The following CALD1 variants were observed in gnomAD, a reference collection of about 807,000 sequenced individuals.
CALD1 encodes caldesmon 1.
Under a neutral mutation model 99.9 loss-of-function variants are expected in CALD1, and 33 were observed. That is an observed-to-expected ratio of 0.33 (90% confidence interval 0.25 to 0.44). The LOEUF (loss-of-function observed/expected upper bound fraction) is 0.44, where lower values mean the gene tolerates loss of function less well. Ranked by LOEUF, CALD1 falls within the 20% of genes least tolerant of loss-of-function variation. CALD1 has a pLI of 1.00. For synonymous variants in CALD1, 310 were observed against 325.0 expected, an observed-to-expected ratio of 0.95 and a Z score of 0.50; for missense variants, 861 against 962.1, an observed-to-expected ratio of 0.89 and a Z score of 1.39.
At chr7:134,715,208 C>T in the CALD1 span, among the ~76,000 whole-genome samples, 2 of 152,194 alleles carry the variant, frequency 1.3e-5, no homozygotes, top group South Asian at 4.1e-4. Context: ...CAGATTTTAA[C>T]ATACTAGAGA....
rs1257223944 is a variant in CALD1 at position 134,960,627 on chromosome 7, C to T, written c.2294C>T (p.Ser765Phe). The change falls in exon 13 of 15, where the codon TCT becomes TTT. Residue 765 changes from serine to phenylalanine, a missense_variant and splice_region_variant. Around this residue, in one of 5 missense-constraint regions of CALD1, gnomAD observed 190 missense variants for 249.0 expected, o/e 0.76. Transcript: ENST00000361675. ...DGNKSPAPKP[S>F]DLRPGDVSSK... ...AACAAGTCACCTGCTCCCAAACCTT[C>T]TGTAAGTACCTTTAGGTTTTTCTGA... is the stretch of plus-strand genomic sequence containing the variant. 3.8e-6 allele frequency: 6 copies of T among 1,589,418 alleles called. No homozygotes were observed. Among genetic ancestry groups the T allele is most frequent in the African/African-American group, 1.3e-5 (1 of 74,474 alleles).
At chr7:134,860,825 A>G (rs559410604) in intron 2 of CALD1, among the ~76,000 whole-genome samples, 1 of 152,354 alleles carries the variant, frequency 6.6e-6, no homozygotes, top group Admixed American at 6.5e-5. Context: ...TTCTCAGGAA[A>G]GGGTATCATG....
rs115236867 is a variant in CALD1, at chr7:134,844,521, G to A, written c.-42+550G>A. ...CCAAAGGGCATTTCACTCATTCACA[G>A]TTTTGCTGAGCTTGGCTCCAGTAGG... On this transcript the variant is annotated intron_variant, in intron 2 of 14. Coordinates refer to ENST00000361675, the MANE Select transcript of CALD1 (RefSeq NM_033138.4). 7.5e-3 allele frequency among the ~76,000 whole-genome samples: 1,139 copies of A among 152,314 alleles called. 21 individuals are homozygous for A. The highest frequency in any genetic ancestry group is 0.026 in the African/African-American group (1,088 of 41,564).
At chr7:134,859,642 TTA>T (rs1248085281) in intron 2 of CALD1, among the ~76,000 whole-genome samples, 3 of 152,230 alleles carry the variant, frequency 2.0e-5, no homozygotes, top group African/African-American at 7.2e-5. Context: ...TGTCAAAGCT[TTA>T]TATGTCTCAG....
intron 3 of CALD1, among the ~76,000 whole-genome samples, chr7:134,926,686 G>A (rs1805044031): frequency 6.6e-6 from 1 of 152,092 alleles, no homozygotes; most frequent in African/African-American, 2.4e-5. Context: ...ACTCTAACAT[G>A]AGCAAACCAT....
chr7:134,846,187 GT>G (rs1193022523), intron 2 of CALD1, among the ~76,000 whole-genome samples: 8 of 152,312 alleles, frequency 5.3e-5, no homozygotes, highest in Non-Finnish European at 1.2e-4. Flanking sequence ...GAGGCAGGTC[GT>G]TTTCAGGGTC....
intron 1 of CALD1, among the ~76,000 whole-genome samples, chr7:134,756,272 CAAAAA>C (rs36011477): frequency 2.6e-5 from 2 of 76,866 alleles, no homozygotes; most frequent in African/African-American, 1.0e-4. Flanking sequence ...GACTTTGTCT[CAAAAA>C]AAAAAAAAAA....
At chr7:134,744,718 G>A (rs992629035) in intron 1 of CALD1, among the ~76,000 whole-genome samples, 4 of 151,986 alleles carry the variant, frequency 2.6e-5, no homozygotes, top group East Asian at 1.9e-4. Flanking sequence ...CCTGCAAGTC[G>A]TTCCCTAGAG....
At chr7:134,932,357 G>C (rs1805586369) in intron 4 of CALD1, among the ~76,000 whole-genome samples, 1 of 152,156 alleles carries the variant, frequency 6.6e-6, no homozygotes, top group South Asian at 2.1e-4. Flanking sequence ...CTCCAATCCA[G>C]ATCAGGAATT....
intron 1 of CALD1, among the ~76,000 whole-genome samples, chr7:134,818,388 T>C (rs542936161): frequency 6.6e-6 from 1 of 152,368 alleles, no homozygotes; most frequent in East Asian, 1.9e-4. Flanking sequence ...AAAGGAAAAG[T>C]AAATTGCTTT....
intron 3 of CALD1, among the ~76,000 whole-genome samples, chr7:134,870,272 G>A (rs1006604325): frequency 1.3e-5 from 2 of 152,208 alleles, no homozygotes; most frequent in Non-Finnish European, 2.9e-5. Flanking sequence ...CAGGACTGAG[G>A]ATGTAGACAC....
At chr7:134,905,179 C>T (rs1025647239) in intron 3 of CALD1, among the ~76,000 whole-genome samples, 3 of 152,044 alleles carry the variant, frequency 2.0e-5, no homozygotes, top group African/African-American at 4.8e-5. Flanking sequence ...CCCAATTCCC[C>T]ACTTCTTGTT....
At chr7:134,931,158 A>C (rs1193513043) in intron 4 of CALD1, among the ~76,000 whole-genome samples, 1 of 152,116 alleles carries the variant, frequency 6.6e-6, no homozygotes, top group Non-Finnish European at 1.5e-5. Context: ...CATATTAGTT[A>C]GCCACAAGAA....
chr7:134,757,125 A>G (rs10233635), intron 1 of CALD1, among the ~76,000 whole-genome samples: 103,388 of 151,382 alleles, frequency 0.68, 36,031 homozygotes, highest in East Asian at 0.99. Context: ...TAAGCCTGAG[A>G]CACTTAGTTG....
At chr7:134,758,303 C>T (rs891997116) in intron 1 of CALD1, among the ~76,000 whole-genome samples, 1 of 152,194 alleles carries the variant, frequency 6.6e-6, no homozygotes, top group Admixed American at 6.5e-5. Flanking sequence ...GGATGACTGC[C>T]TGTTGACTCT....
At chr7:134,804,647 T>C (rs983175788) in intron 1 of CALD1, among the ~76,000 whole-genome samples, 1 of 152,264 alleles carries the variant, frequency 6.6e-6, no homozygotes, top group African/African-American at 2.4e-5. Flanking sequence ...AAGAGCATCT[T>C]GAACAAGCGT....
At chr7:134,924,016 A>G (rs1401609496) in intron 3 of CALD1, among the ~76,000 whole-genome samples, 1 of 152,238 alleles carries the variant, frequency 6.6e-6, no homozygotes, top group African/African-American at 2.4e-5. Context: ...GGTTAGTCAT[A>G]ATAGATCCAT....
rs757822810 is a variant in CALD1, at chr7:134,965,380, C to T, written c.2370C>T (p.Pro790=). The change falls in exon 14 of 15, where the codon CCC becomes CCT. Residue 790 remains proline (P), a synonymous_variant. Transcript: ENST00000361675. The part of the protein sequence containing the change: ...EKQSVDKVTS[P]TKV ...AATCTGTGGATAAGGTCACTTCCCC[C>T]ACTAAGGTAATCTATTGGGAAGACT... The T allele has an allele frequency of 3.4e-6, 5 of 1,487,642 alleles. No individual in the cohort carries two copies. The highest frequency in any genetic ancestry group is 4.5e-5 in the East Asian group (2 of 44,298). The allele number at this position is 1,487,642 out of a possible 1,614,324, so 92.2% of individuals were successfully genotyped here.
intron 1 of CALD1, among the ~76,000 whole-genome samples, chr7:134,773,910 C>T (rs375228574): frequency 6.6e-6 from 1 of 151,884 alleles, no homozygotes; most frequent in Non-Finnish European, 1.5e-5. Context: ...GTGGCTCACG[C>T]CTGTAATCCC....
Sources: gnomAD v4.1 joint callset for allele counts (sites outside exome capture counted in the v4.1 genomes callset) on GRCh38, gnomAD v4.1.1 for gene constraint, gnomAD v4.1.1 regional missense constraint, MANE v1.5 for transcripts, NCBI Gene and HGNC (gene_info 2026-07-23, HGNC 2026-07-21) for gene names.